Variants in DEPTOR observed in about 807,000 individuals in gnomAD.
DEPTOR encodes DEP domain-containing mTOR-interacting protein.
In DEPTOR, 41 loss-of-function variants were observed where a neutral mutation model predicts 41.6. That is an observed-to-expected ratio of 0.98 (90% CI 0.77 to 1.28). The LOEUF is 1.28. Ranked by LOEUF, DEPTOR falls within the 50% of genes most tolerant of loss-of-function variation. DEPTOR has a pLI of 0.00. For missense variants in DEPTOR, 514 were observed against 527.9 expected (o/e 0.97, Z 0.26); for synonymous variants, 195 against 192.3 (o/e 1.01, Z -0.12).
chr8:119,986,290 T>A (rs1405081715), intron 4 of DEPTOR, among the ~76,000 whole-genome samples: 2 of 152,194 alleles, frequency 1.3e-5, no homozygotes, highest in African/African-American at 4.8e-5. Flanking sequence ...CTTATAAGCG[T>A]AGTTTGGCCT....
chr8:119,965,211 T>C, intron 3 of DEPTOR, 21 bp from the exon 4 acceptor site: 1 of 1,598,386 alleles, frequency 6.3e-7, no homozygotes, highest in South Asian at 1.1e-5. Context: ...TTACTTTTCT[T>C]TTCCCTTTTT....
intron 3 of DEPTOR, among the ~76,000 whole-genome samples, chr8:119,942,438 T>C (rs1192030865): frequency 3.9e-5 from 6 of 152,198 alleles, no homozygotes; most frequent in Middle Eastern, 3.2e-3. Context: ...TCTCCTGACC[T>C]CAGGCGATCT....
chr8:119,920,078 G>A lies in DEPTOR; in HGVS notation c.123-8322G>A, dbSNP rs1299525002. 2.7e-5 allele frequency among the ~76,000 whole-genome samples: 4 copies of A among 149,664 alleles called. No individual in the cohort carries two copies. The East Asian group carries it at 7.7e-4, about 29-fold the overall frequency. The stretch of plus-strand genomic sequence containing the variant: ...TAAAGCCTGTGAACCAGCTGTCTGA[G>A]ATGAATAATAGGAAGGTTTTTTTTT... On this transcript the variant is annotated intron_variant, in intron 1 of 8. Coordinates refer to ENST00000286234, the MANE Select transcript of DEPTOR (RefSeq NM_022783.4).
chr8:119,967,608 G>A (rs1828579287), intron 4 of DEPTOR, among the ~76,000 whole-genome samples: 1 of 151,604 alleles, frequency 6.6e-6, no homozygotes, highest in East Asian at 2.0e-4. Context: ...CAAAACATTA[G>A]CTGGGTGTGG....
At chr8:119,933,122 C>T (rs1478118953) in intron 3 of DEPTOR, among the ~76,000 whole-genome samples, 6 of 152,060 alleles carry the variant, frequency 3.9e-5, no homozygotes, top group African/African-American at 1.4e-4. Context: ...GTGCTGTTCC[C>T]TCTGCCTAGA....
chr8:120,001,263 G>C (rs1381006868), intron 4 of DEPTOR, among the ~76,000 whole-genome samples: 1 of 152,066 alleles, frequency 6.6e-6, no homozygotes, highest in African/African-American at 2.4e-5. Context: ...GGAGCCAGGA[G>C]AACACTAGGA....
At chr8:119,905,824 A>G (rs1011587498) in intron 1 of DEPTOR, among the ~76,000 whole-genome samples, 4 of 151,912 alleles carry the variant, frequency 2.6e-5, no homozygotes, top group African/African-American at 4.8e-5. Context: ...TGTATTTTTA[A>G]TGGAGATGGG....
chr8:119,893,035 G>A (rs143739318), intron 1 of DEPTOR, among the ~76,000 whole-genome samples: 10 of 152,096 alleles, frequency 6.6e-5, no homozygotes, highest in African/African-American at 2.2e-4. Flanking sequence ...CACCTGCCTC[G>A]GCCTCCCAAA....
chr8:119,970,343 T>A (rs1338097982), intron 4 of DEPTOR, among the ~76,000 whole-genome samples: 1 of 152,206 alleles, frequency 6.6e-6, no homozygotes. Flanking sequence ...GTATTATTAT[T>A]GCAGATTTAC....
intron 5 of DEPTOR, 89 bp downstream of exon 5, chr8:120,001,799 C>T (rs1812355666): frequency 7.1e-7 from 1 of 1,416,764 alleles, no homozygotes; most frequent in African/African-American, 1.4e-5. Flanking sequence ...ATTCTGTTCT[C>T]TATCAGAGCG....
rs576061991 is a variant in DEPTOR at position 120,010,331 on chromosome 8, C to T, written c.1101+1198C>T. ...TTTTAGTACTAAAATGATACATATA[C>T]GTGCCAGGTATGGTGGCTCATGCCT... On this transcript the variant is annotated intron_variant, in intron 8 of 8. Coordinates refer to ENST00000286234, the MANE Select transcript of DEPTOR (RefSeq NM_022783.4). 4.0e-5 allele frequency among the ~76,000 whole-genome samples: 6 copies of T among 151,664 alleles called. No individual in the cohort carries two copies. The East Asian group carries it at 7.7e-4, about 20-fold the overall frequency.
At position 119,928,486 on chromosome 8, in the gene DEPTOR, TTGAC is replaced by T; in HGVS notation, c.212_215del (p.Asp71GlyfsTer2). The T allele has an allele frequency of 2.5e-6, 4 of 1,614,174 alleles. No homozygotes were observed. Among genetic ancestry groups the T allele is most frequent in the Non-Finnish European group, 1.7e-6 (2 of 1,180,020 alleles). ...AACTGTTTTGTCGCAAAAGAACTGA[TTGAC>T]TGGCTGATTGAACACAAAGAGGCTT... is the stretch of plus-strand genomic sequence containing the variant. On this transcript the variant is annotated frameshift_variant, in exon 2 of 9. Transcript: ENST00000286234. LOFTEE classifies it high-confidence loss of function.
At chr8:119,957,282 T>A (rs1828429688) in intron 3 of DEPTOR, among the ~76,000 whole-genome samples, 1 of 152,198 alleles carries the variant, frequency 6.6e-6, no homozygotes. Flanking sequence ...TTTGAAAACC[T>A]ACTGTGCTAG....
intron 3 of DEPTOR, among the ~76,000 whole-genome samples, chr8:119,948,551 C>T (rs905194980): frequency 9.9e-5 from 15 of 151,988 alleles, no homozygotes; most frequent in Admixed American, 4.6e-4. Context: ...CCATACAATT[C>T]GCCTATTTAA....
chr8:119,963,578 T>C (rs1306130511), intron 3 of DEPTOR, among the ~76,000 whole-genome samples: 3 of 152,190 alleles, frequency 2.0e-5, no homozygotes, highest in African/African-American at 7.2e-5. Context: ...CTCAAACCCC[T>C]GACCTCAAGT....
At chr8:119,994,060 G>A (rs943525508) in intron 4 of DEPTOR, among the ~76,000 whole-genome samples, 23 of 151,750 alleles carry the variant, frequency 1.5e-4, no homozygotes, top group Admixed American at 8.6e-4. Context: ...GGAGGCTGAC[G>A]CAGGAGGTGG....
intron 4 of DEPTOR, among the ~76,000 whole-genome samples, chr8:119,993,125 G>A (rs1812201670): frequency 1.3e-5 from 2 of 152,110 alleles, no homozygotes; most frequent in Admixed American, 1.3e-4. Flanking sequence ...ATATAAGGGA[G>A]GAAAATGTAG....
intron 8 of DEPTOR, among the ~76,000 whole-genome samples, chr8:120,029,506 C>T (rs548784286): frequency 6.6e-6 from 1 of 152,222 alleles, no homozygotes; most frequent in Admixed American, 6.5e-5. Context: ...AGTGATTCTC[C>T]TGTCTCAGCC....
intron 6 of DEPTOR, among the ~76,000 whole-genome samples, 195 bp from the exon 7 acceptor site, chr8:120,006,610 G>A (rs1812441982): frequency 6.7e-6 from 1 of 150,366 alleles, no homozygotes; most frequent in South Asian, 2.1e-4. Flanking sequence ...CCTTAGCTTT[G>A]TAAGGTAGGT....
Sources: gnomAD v4.1 joint callset for allele counts (sites outside exome capture counted in the v4.1 genomes callset) on GRCh38, gnomAD v4.1.1 for gene constraint, MANE v1.5 for transcripts, NCBI Gene and HGNC (gene_info 2026-07-23, HGNC 2026-07-21) for gene names.